GBF1: variants seen among roughly 807,000 people sequenced by gnomAD.
GBF1 encodes golgi brefeldin A resistant guanine nucleotide exchange factor 1, also known as Golgi-specific brefeldin A-resistance guanine nucleotide exchange factor 1.
GBF1 carries 114 observed loss-of-function variants against 210.5 expected under a neutral mutation model. The ratio of observed to expected loss-of-function variants is 0.54; its 90% CI spans 0.47 to 0.63. GBF1 has a LOEUF of 0.63. Ranked by LOEUF, GBF1 falls within the 30% of genes least tolerant of loss-of-function variation. The probability of loss-of-function intolerance (pLI) is 0.00; values close to 1 mark genes in which losing one functional copy is unlikely to be tolerated. For synonymous variants in GBF1, 850 were observed against 889.2 expected, an observed-to-expected ratio of 0.96 and a Z score of 0.78; for missense variants, 1,851 against 2,357.7, an observed-to-expected ratio of 0.79 and a Z score of 4.45.
chr10:102,245,236 C>G (rs1437528870), upstream of GBF1, among the ~76,000 whole-genome samples: 1 of 152,160 alleles, frequency 6.6e-6, no homozygotes, highest in African/African-American at 2.4e-5. Flanking sequence ...ACTGCCAAAC[C>G]GCGCACTGCA....
chr10:102,252,790 T>A (rs1255735630), intron 1 of GBF1, among the ~76,000 whole-genome samples: 1 of 151,810 alleles, frequency 6.6e-6, no homozygotes, highest in Non-Finnish European at 1.5e-5. Flanking sequence ...GATATTGCAG[T>A]GAGTCAAGAT....
At chr10:102,242,928 C>CAAAAAAAAAAAAAAAAAAAAAAAAAA (rs58301527), upstream of GBF1, among the ~76,000 whole-genome samples, 6 of 132,424 alleles carry the variant, frequency 4.5e-5, no homozygotes, top group African/African-American at 1.7e-4. Flanking sequence ...GACTCTGTCT[C>CAAAAAAAAAAAAAAAAAAAAAAAAAA]AAAAAAAAAA....
upstream of GBF1, among the ~76,000 whole-genome samples, chr10:102,243,686 G>C (rs1404485902): frequency 1.3e-5 from 2 of 152,102 alleles, no homozygotes; most frequent in Non-Finnish European, 2.9e-5. Flanking sequence ...TGTGGAAAGA[G>C]GTGCTATGAT....
intron 3 of GBF1, among the ~76,000 whole-genome samples, chr10:102,280,110 G>C (rs2075346567): frequency 6.6e-6 from 1 of 151,428 alleles, no homozygotes; most frequent in East Asian, 1.9e-4. Flanking sequence ...GGTGACAGAG[G>C]AGTCCCTGTC....
At chr10:102,379,486 T>C in intron 34 of GBF1, 35 bp from the exon 35 acceptor site, 2 of 1,614,068 alleles carry the variant, frequency 1.2e-6, no homozygotes, top group Non-Finnish European at 8.5e-7. Context: ...AGGATCAAGA[T>C]GCCTGAAGGA....
intron 3 of GBF1, among the ~76,000 whole-genome samples, chr10:102,332,477 C>G (rs954830481): frequency 2.0e-5 from 3 of 151,934 alleles, no homozygotes; most frequent in Non-Finnish European, 4.4e-5. Context: ...TCTGCCTCCC[C>G]GGCTCAAGCG....
Position 102,370,778 on chromosome 10 carries a change from T to C in GBF1, c.3578T>C (p.Phe1193Ser), listed in dbSNP as rs1473578409. ...CACCTCTGTGTTCAGGCACAAGATT[T>C]CTGCTTCCTTGTGGAGCGGGCAGTG... ...LYHLCVQAQD[F>S]CFLVERAVVG... Residue 1193 changes from phenylalanine (F) to serine (S), a missense_variant, in exon 29 of 40, where the codon TTC (phenylalanine) becomes TCC (serine). Transcript: ENST00000369983. 1 of 1,613,994 alleles carries C rather than the reference T, an allele frequency of 6.2e-7. No homozygotes were observed. Among genetic ancestry groups the C allele is most frequent in the Admixed American group, 1.7e-5 (1 of 60,002 alleles).
At position 102,363,564 on chromosome 10, in the gene GBF1, C is replaced by G. The variant is rs958829681; in HGVS notation, c.2018-146C>G. On this transcript the variant is annotated intron_variant, in intron 16 of 39. Coordinates refer to ENST00000369983, the MANE Select transcript of GBF1 (RefSeq NM_001377137.1). This position sits in a 1 kb window ranked among gnomAD's most constrained non-coding sequence, Gnocchi z 4.2. The stretch of plus-strand genomic sequence containing the variant: ...ACATATGGACCCTCAGTTGATAGGA[C>G]TTCCAGGGAAGTGGAAGACTGGTGA... The G allele has an allele frequency of 9.1e-5, 74 of 813,732 alleles. 1 individual carries two copies. Among genetic ancestry groups the G allele is most frequent in the Admixed American group, 2.9e-4 (13 of 45,452 alleles). The allele number at this position is 813,732 out of a possible 1,614,324, so 50.4% of individuals were successfully genotyped here. A position where few individuals can be genotyped will look rare whatever the true frequency, so the allele number is the denominator to read the frequency against.
chr10:102,242,062 G>T (rs746559741), upstream of GBF1, among the ~76,000 whole-genome samples: 60 of 152,058 alleles, frequency 3.9e-4, 1 homozygote, highest in Non-Finnish European at 1.3e-4. Flanking sequence ...CAGCCGCTTC[G>T]CTCCTGCTGT....
chr10:102,294,364 C>G (rs966859647), intron 3 of GBF1, among the ~76,000 whole-genome samples: 3 of 150,120 alleles, frequency 2.0e-5, no homozygotes, highest in Admixed American at 6.8e-5. Flanking sequence ...CACAGGGTTG[C>G]CATTTTCTTT....
chr10:102,244,226 A>G (rs952230368), upstream of GBF1, among the ~76,000 whole-genome samples: 2 of 152,226 alleles, frequency 1.3e-5, no homozygotes, highest in African/African-American at 4.8e-5. Flanking sequence ...TTTTGAGACT[A>G]CTTTCCTATG....
Position 102,366,640 on chromosome 10 carries a change from G to T in GBF1, c.2433+134G>T. 3 of 772,306 alleles carry T rather than the reference G, an allele frequency of 3.9e-6. No homozygotes were observed. Among genetic ancestry groups the T allele is most frequent in the Non-Finnish European group, 6.0e-6 (3 of 498,526 alleles). 47.8% of individuals were successfully genotyped at this position (772,306 alleles called of 1,614,324 possible). ...CTCGCTCTGTCACCCAGGCTGGAGT[G>T]CAGTAGCGCAGTCTCAGCACACTGC... On this transcript the variant is annotated intron_variant, in intron 19 of 39. Coordinates refer to ENST00000369983, the MANE Select transcript of GBF1 (RefSeq NM_001377137.1). The surrounding 1 kb of genome is among the most constrained non-coding windows in gnomAD (Gnocchi z 4.0).
At chr10:102,326,517 C>T (rs187529192) in intron 3 of GBF1, among the ~76,000 whole-genome samples, 1 of 152,190 alleles carries the variant, frequency 6.6e-6, no homozygotes, top group East Asian at 1.9e-4. Flanking sequence ...ATCTGGCTTT[C>T]CTTTTTTTTC....
intron 3 of GBF1, among the ~76,000 whole-genome samples, chr10:102,323,606 C>T (rs140910424): frequency 1.5e-3 from 221 of 144,854 alleles, no homozygotes; most frequent in Non-Finnish European, 1.8e-3. Context: ...ATGTGGAGAA[C>T]GGGACCTCGC....
chr10:102,363,173 T>A lies in GBF1; in HGVS notation c.1877-83T>A. 1 of 1,337,272 alleles carries A rather than the reference T, an allele frequency of 7.5e-7. No individual in the cohort carries two copies. The highest frequency in any genetic ancestry group is 1.0e-6 in the Non-Finnish European group (1 of 982,588). 82.8% of individuals were successfully genotyped at this position (1,337,272 alleles called of 1,614,324 possible). A position where few individuals can be genotyped will look rare whatever the true frequency, so the allele number is the denominator to read the frequency against. On this transcript the variant is annotated intron_variant, in intron 15 of 39. Coordinates refer to ENST00000369983, the MANE Select transcript of GBF1 (RefSeq NM_001377137.1). The surrounding 1 kb of genome is among the most constrained non-coding windows in gnomAD (Gnocchi z 4.2). Reference sequence around the variant, plus strand: ...CTGTGCAGGAACCATGCAGGTCTTCTGGGCTTGGGATTTGATCTATCCTGC... The same window carrying A: ...CTGTGCAGGAACCATGCAGGTCTTCAGGGCTTGGGATTTGATCTATCCTGC...
At chr10:102,351,189 C>A in intron 4 of GBF1, 67 bp from the exon 5 acceptor site, 2 of 895,194 alleles carry the variant, frequency 2.2e-6, no homozygotes, top group Non-Finnish European at 3.7e-6. Flanking sequence ...CAAAGCTAGA[C>A]AGGCTGCCTT....
chr10:102,368,197 C>G (rs1243799073), intron 21 of GBF1, 21 bp from the exon 22 acceptor site: 2 of 1,533,802 alleles, frequency 1.3e-6, no homozygotes, highest in African/African-American at 1.4e-5. Flanking sequence ...TGCAACTGCT[C>G]CTTCCCTTAC....
At chr10:102,370,985 A>G (rs2060175706) in intron 29 of GBF1, 125 bp downstream of exon 29, 1 of 899,854 alleles carries the variant, frequency 1.1e-6, no homozygotes, top group Non-Finnish European at 1.7e-6. Flanking sequence ...CCAGTGACCA[A>G]CCACAGGGCT....
chr10:102,376,620 CT>C lies in GBF1; in HGVS notation c.4109del (p.Leu1370ArgfsTer7), dbSNP rs1565183977. 3.7e-6 allele frequency: 6 copies of C among 1,613,840 alleles called. No individual in the cohort carries two copies. Among genetic ancestry groups the C allele is most frequent in the African/African-American group, 2.7e-5 (2 of 75,038 alleles). ...PGPSRPGPSP[L>X]INQYSLTVGL... ...GCCCAGCCGCCCAGGCCCTTCACCC[CT>C]GATCAATCAATACAGCCTAACAGTG... On this transcript the variant is annotated frameshift_variant, in exon 32 of 40. Coordinates refer to ENST00000369983, the MANE Select transcript of GBF1 (RefSeq NM_001377137.1). LOFTEE classifies it high-confidence loss of function.
Sources: gnomAD v4.1 joint callset for allele counts (sites outside exome capture counted in the v4.1 genomes callset) on GRCh38, gnomAD v4.1.1 for gene constraint, Gnocchi (gnomAD v3.1) non-coding constraint, MANE v1.5 for transcripts, NCBI Gene and HGNC (gene_info 2026-07-23, HGNC 2026-07-21) for gene names.